The following CFAP299 variants were observed in gnomAD, a reference collection of about 807,000 sequenced individuals.
CFAP299 encodes cilia and flagella associated protein 299, also known as cilia- and flagella-associated protein 299.
A neutral mutation model predicts 27.0 loss-of-function variants in CFAP299; 21 were observed. That is an observed-to-expected ratio of 0.78 (90% CI 0.55 to 1.12). The LOEUF (loss-of-function observed/expected upper bound fraction) is 1.12. CFAP299 is among the 50% of genes most tolerant of loss of function. CFAP299 has a pLI of 0.00. For missense variants in CFAP299, 310 were observed against 276.6 expected (o/e 1.12, Z -0.86); for synonymous variants, 104 against 98.1 (o/e 1.06, Z -0.36).
intron 2 of CFAP299, among the ~76,000 whole-genome samples, chr4:80,448,437 G>T (rs1728745945): frequency 6.6e-6 from 1 of 152,062 alleles, no homozygotes; most frequent in Non-Finnish European, 1.5e-5. Context: ...TCTTTGGGAT[G>T]CTATTTAATA....
chr4:80,807,538 G>A (rs370424811), intron 3 of CFAP299, among the ~76,000 whole-genome samples: 15 of 152,122 alleles, frequency 9.9e-5, no homozygotes, highest in African/African-American at 3.6e-4. Context: ...TATGTAAAAT[G>A]TATCAACTCT....
At position 80,753,701 on chromosome 4, in the gene CFAP299, C is replaced by T. The variant is rs139950938; in HGVS notation, c.334-116292C>T. Among the ~76,000 whole-genome samples, 767 of 152,128 alleles carry T rather than the reference C, an allele frequency of 5.0e-3. 4 individuals carry two copies. Among genetic ancestry groups the T allele is most frequent in the Middle Eastern group, 0.02 (6 of 294 alleles). Reference sequence around the variant, plus strand: ...TATTTTTTCCCTCCTCTTTGCTCTTCAGTTTGGGACATTTCAATTGAATTT... The same window carrying T: ...TATTTTTTCCCTCCTCTTTGCTCTTTAGTTTGGGACATTTCAATTGAATTT... On this transcript the variant is annotated intron_variant, in intron 3 of 5. Coordinates refer to ENST00000358105, the MANE Select transcript of CFAP299 (RefSeq NM_152770.3).
At chr4:80,579,764 G>A (rs915403347) in intron 2 of CFAP299, among the ~76,000 whole-genome samples, 1 of 151,952 alleles carries the variant, frequency 6.6e-6, no homozygotes, top group African/African-American at 2.4e-5. Flanking sequence ...CTGACCACAT[G>A]ATACTATATA....
At chr4:80,805,803 A>G (rs1156933752) in intron 3 of CFAP299, among the ~76,000 whole-genome samples, 1 of 152,128 alleles carries the variant, frequency 6.6e-6, no homozygotes, top group Non-Finnish European at 1.5e-5. Flanking sequence ...GAGCCTGGGA[A>G]GTTGAGGCTG....
At position 80,576,447 on chromosome 4, in the gene CFAP299, G is replaced by A. The variant is rs184745656; in HGVS notation, c.243-6646G>A. ...TATCTTCCATATTTAACTCTCAAATGAGTTTATATATTATGGTAAATAAAA... is the reference window on the plus strand; with the variant it reads ...TATCTTCCATATTTAACTCTCAAATAAGTTTATATATTATGGTAAATAAAA... On this transcript the variant is annotated intron_variant, in intron 2 of 5. Transcript: ENST00000358105. 5.9e-5 allele frequency among the ~76,000 whole-genome samples: 9 copies of A among 151,882 alleles called. No homozygotes were observed. The East Asian group carries it at 1.5e-3, about 26-fold the overall frequency.
At chr4:80,641,425 G>A (rs1739721689) in intron 3 of CFAP299, among the ~76,000 whole-genome samples, 2 of 151,978 alleles carry the variant, frequency 1.3e-5, no homozygotes, top group Non-Finnish European at 2.9e-5. Context: ...GGCTGGTCTT[G>A]AACTCCTGAC....
At chr4:80,904,391 C>T (rs537161508) in intron 4 of CFAP299, among the ~76,000 whole-genome samples, 3 of 152,230 alleles carry the variant, frequency 2.0e-5, no homozygotes, top group African/African-American at 7.2e-5. Flanking sequence ...CTCTCTCCAC[C>T]CCAGGTCCTA....
chr4:80,909,963 G>T (rs952432565), intron 4 of CFAP299, among the ~76,000 whole-genome samples: 2 of 151,972 alleles, frequency 1.3e-5, no homozygotes, highest in Admixed American at 1.3e-4. Context: ...AATAACTATT[G>T]CTTGAATTAA....
chr4:80,925,108 GGTTTCTCTCATTGCTCTT>G (rs1343041433), intron 4 of CFAP299, among the ~76,000 whole-genome samples: 2 of 151,484 alleles, frequency 1.3e-5, no homozygotes, highest in Admixed American at 6.6e-5. Flanking sequence ...TTTCCTTTAG[GGTTTCTCTCATTGCTCTT>G]AAGCTTACTA....
intron 4 of CFAP299, among the ~76,000 whole-genome samples, chr4:80,933,036 T>A (rs1315411327): frequency 6.6e-6 from 1 of 152,194 alleles, no homozygotes; most frequent in Non-Finnish European, 1.5e-5. Context: ...TATACAACTG[T>A]GAAATATATG....
intron 3 of CFAP299, among the ~76,000 whole-genome samples, chr4:80,792,240 C>T (rs1289284437): frequency 6.6e-6 from 1 of 152,094 alleles, no homozygotes; most frequent in African/African-American, 2.4e-5. Context: ...ATAATCTCTA[C>T]TTCACATTAT....
At chr4:80,868,031 T>A (rs1024466079) in intron 3 of CFAP299, among the ~76,000 whole-genome samples, 46 of 152,336 alleles carry the variant, frequency 3.0e-4, no homozygotes, top group Non-Finnish European at 5.6e-4. Context: ...TACACACATA[T>A]GTATCAAATT....
intron 2 of CFAP299, among the ~76,000 whole-genome samples, chr4:80,494,460 G>C (rs1299585242): frequency 2.0e-5 from 3 of 152,160 alleles, no homozygotes; most frequent in Non-Finnish European, 4.4e-5. Context: ...TTGGCTTCCT[G>C]TTATATGTAA....
intron 2 of CFAP299, among the ~76,000 whole-genome samples, chr4:80,517,666 C>A (rs1171480053): frequency 6.6e-6 from 1 of 152,146 alleles, no homozygotes; most frequent in Non-Finnish European, 1.5e-5. Flanking sequence ...AGAAGTATTC[C>A]TAGACAGCCA....
intron 3 of CFAP299, among the ~76,000 whole-genome samples, chr4:80,620,180 G>A (rs150545182): frequency 6.6e-6 from 1 of 152,254 alleles, no homozygotes; most frequent in East Asian, 1.9e-4. Context: ...TTCAATACCT[G>A]CATGCAGAGC....
intron 2 of CFAP299, among the ~76,000 whole-genome samples, chr4:80,424,745 G>A (rs1394707811): frequency 6.6e-6 from 1 of 152,100 alleles, no homozygotes; most frequent in African/African-American, 2.4e-5. Flanking sequence ...CTAGACATTA[G>A]GAGGAATCTT....
chr4:80,447,797 C>T (rs1000671991), intron 2 of CFAP299, among the ~76,000 whole-genome samples: 1 of 152,162 alleles, frequency 6.6e-6, no homozygotes, highest in Non-Finnish European at 1.5e-5. Context: ...TAAATTTTGA[C>T]ATAATCCTCC....
At chr4:80,905,731 C>G (rs545698716) in intron 4 of CFAP299, among the ~76,000 whole-genome samples, 8 of 152,200 alleles carry the variant, frequency 5.3e-5, no homozygotes, top group African/African-American at 1.9e-4. Context: ...GGGGAAAAAG[C>G]CACTTATAAA....
At position 80,693,558 on chromosome 4, in the gene CFAP299, A is replaced by C. The variant is rs956192692; in HGVS notation, c.333+110375A>C. Among the ~76,000 whole-genome samples the C allele has an allele frequency of 6.6e-4, 25 of 38,062 alleles. 1 individual carries two copies. The East Asian group carries it at 0.014, about 21-fold the overall frequency. The allele number at this position is 38,062 out of a possible 152,430, so 25.0% of individuals were successfully genotyped here. A position where few individuals can be genotyped will look rare whatever the true frequency, so the allele number is the denominator to read the frequency against. ...TCTGGGGACTGTGGTGGGGTGGGGG[A>C]GGGGGGAGGGATAGCATTGGGAGAT... is the stretch of plus-strand genomic sequence containing the variant. On this transcript the variant is annotated intron_variant, in intron 3 of 5. Transcript: ENST00000358105.
Sources: allele counts gnomAD v4.1 joint callset (sites outside exome capture counted in the v4.1 genomes callset), GRCh38; gene constraint gnomAD v4.1.1; transcripts MANE v1.5; gene names NCBI Gene and HGNC (gene_info 2026-07-23, HGNC 2026-07-21).